The following PCDHGB3 variants were observed in gnomAD, a reference collection of about 807,000 sequenced individuals.
PCDHGB3 encodes protocadherin gamma subfamily B, 3, also known as protocadherin gamma-B3.
In PCDHGB3, 40 loss-of-function variants were observed where a neutral mutation model predicts 59.2. The observed-to-expected ratio is 0.68, with a 90% CI of 0.52 to 0.88. The LOEUF (loss-of-function observed/expected upper bound fraction) is 0.88, where lower values mean the gene tolerates loss of function less well. PCDHGB3 is among the 40% of genes least tolerant of loss of function. PCDHGB3 has a pLI of 0.00. For missense variants in PCDHGB3, 1,309 were observed against 1,187.9 expected, an observed-to-expected ratio of 1.10 and a Z score of -1.50; for synonymous variants, 581 against 503.6, an observed-to-expected ratio of 1.15 and a Z score of -2.06.
intron 1 of PCDHGB3, among the ~76,000 whole-genome samples, chr5:141,443,008 T>C (rs2098358096): frequency 1.3e-5 from 2 of 152,220 alleles, no homozygotes; most frequent in Admixed American, 1.3e-4. Context: ...TCTAAGAATA[T>C]GACTAATGGA....
Position 141,432,911 on chromosome 5 carries a change from C to G in PCDHGB3, c.2415+60102C>G. 5 of 1,614,176 alleles carry G rather than the reference C, an allele frequency of 3.1e-6. No homozygotes were observed. Among genetic ancestry groups the G allele is most frequent in the Non-Finnish European group, 4.2e-6 (5 of 1,180,014 alleles). Reference sequence around the variant, plus strand: ...CTTGCTGCTGGCGCTCAGGCTGCGGCGCTGGCACAAGTCACGCCTGCTGCA... The same window carrying G: ...CTTGCTGCTGGCGCTCAGGCTGCGGGGCTGGCACAAGTCACGCCTGCTGCA... On this transcript the variant is annotated intron_variant, in intron 1 of 3. Transcript: ENST00000576222. This position sits in a 1 kb window ranked among gnomAD's most constrained non-coding sequence, Gnocchi z 6.0.
Position 141,489,565 on chromosome 5 carries a change from G to C in PCDHGB3, c.2416-5242G>C. The C allele has an allele frequency of 6.2e-7, 1 of 1,614,118 alleles. No homozygotes were observed. ...CAGCTGCCTGCTGCCAGTGCAGGTGGTGACTGAACACCCCCTGGAGCTAAT... is the reference window on the plus strand; with the variant it reads ...CAGCTGCCTGCTGCCAGTGCAGGTGCTGACTGAACACCCCCTGGAGCTAAT... On this transcript the variant is annotated intron_variant, in intron 1 of 3. Coordinates refer to ENST00000576222, the MANE Select transcript of PCDHGB3 (RefSeq NM_018924.5). This position sits in a 1 kb window ranked among gnomAD's most constrained non-coding sequence, Gnocchi z 4.5.
chr5:141,387,492 G>C (rs779250536), intron 1 of PCDHGB3, among the ~76,000 whole-genome samples: 1 of 152,220 alleles, frequency 6.6e-6, no homozygotes, highest in Non-Finnish European at 1.5e-5. Flanking sequence ...GCATTCCTAA[G>C]AGTACATTTT....
At chr5:141,420,006 GAC>G (rs745722189) in intron 1 of PCDHGB3, 1 of 1,613,936 alleles carries the variant, frequency 6.2e-7, no homozygotes, top group African/African-American at 1.3e-5. Flanking sequence ...CTACGCCTGC[GAC>G]AGTCTTTCAG....
intron 1 of PCDHGB3, chr5:141,430,575 A>T (rs1056696427): frequency 2.2e-6 from 1 of 455,822 alleles, no homozygotes; most frequent in Non-Finnish European, 3.7e-6. Flanking sequence ...AAAAGCGGAG[A>T]TCCTGCTCGC....
intron 1 of PCDHGB3, among the ~76,000 whole-genome samples, chr5:141,453,393 A>G (rs2098764590): frequency 6.6e-6 from 1 of 152,018 alleles, no homozygotes; most frequent in Non-Finnish European, 1.5e-5. Flanking sequence ...CTTAGCCTCC[A>G]AGTGCTGGTA....
Position 141,489,897 on chromosome 5 carries a change from C to G in PCDHGB3, c.2416-4910C>G. ...TGCTTACTGCTGTGGATGGGGGGAC[C>G]CCAGCCCGCTCAGGGACCACCCTTA... is the stretch of plus-strand genomic sequence containing the variant. On this transcript the variant is annotated intron_variant, in intron 1 of 3. Transcript: ENST00000576222. This position sits in a 1 kb window ranked among gnomAD's most constrained non-coding sequence, Gnocchi z 4.5. 1 of 1,614,162 alleles carries G rather than the reference C, an allele frequency of 6.2e-7. No individual in the cohort carries two copies. Among genetic ancestry groups the G allele is most frequent in the Non-Finnish European group, 8.5e-7 (1 of 1,180,016 alleles).
chr5:141,393,853 T>A, intron 1 of PCDHGB3: 1 of 1,613,992 alleles, frequency 6.2e-7, no homozygotes, highest in Admixed American at 1.7e-5. Context: ...AGACCAGAAG[T>A]GATCATTACG....
chr5:141,420,857 C>T (rs1342820721), intron 1 of PCDHGB3, among the ~76,000 whole-genome samples: 1 of 152,220 alleles, frequency 6.6e-6, no homozygotes, highest in Non-Finnish European at 1.5e-5. Context: ...AAAGTTTTAA[C>T]GTCACATAAT....
At position 141,491,725 on chromosome 5, in the gene PCDHGB3, G is replaced by A. The variant is rs1008933711; in HGVS notation, c.2416-3082G>A. The A allele has an allele frequency of 6.2e-7, 1 of 1,606,496 alleles. No homozygotes were observed. The highest frequency in any genetic ancestry group is 1.3e-5 in the African/African-American group (1 of 74,728). On this transcript the variant is annotated intron_variant, in intron 1 of 3. Coordinates refer to ENST00000576222, the MANE Select transcript of PCDHGB3 (RefSeq NM_018924.5). The surrounding 1 kb of genome is among the most constrained non-coding windows in gnomAD (Gnocchi z 6.9). ...GGTGAGGGGCTCGGCGCCGCCCCGGGCGACCCCTGGGGGCGGCACTGGAGA... is the reference window on the plus strand; with the variant it reads ...GGTGAGGGGCTCGGCGCCGCCCCGGACGACCCCTGGGGGCGGCACTGGAGA...
chr5:141,511,202 C>T lies in PCDHGB3; in HGVS notation c.*29C>T, dbSNP rs201024828. 2.0e-3 allele frequency: 3,296 copies of T among 1,612,132 alleles called. 7 individuals carry two copies. Among genetic ancestry groups the T allele is most frequent in the Middle Eastern group, 0.013 (77 of 6,006 alleles). On this transcript the variant is annotated 3_prime_UTR_variant, in exon 4 of 4. Coordinates refer to ENST00000576222, the MANE Select transcript of PCDHGB3 (RefSeq NM_018924.5). ...GGAGGCCAGGCCAAGAGCCACAGGG[C>T]GGCCTCTCCCCAACCAGCCCAGCTT...
intron 1 of PCDHGB3, among the ~76,000 whole-genome samples, chr5:141,482,857 A>T (rs2099573663): frequency 6.6e-6 from 1 of 152,140 alleles, no homozygotes; most frequent in Admixed American, 6.5e-5. Flanking sequence ...AGATCACTTG[A>T]GGTCAGGAGT....
chr5:141,428,430 GA>G, intron 1 of PCDHGB3: 1 of 421,748 alleles, frequency 2.4e-6, no homozygotes. Flanking sequence ...TCTGTTCTAA[GA>G]CTAGACCAGG....
chr5:141,431,016 C>T lies in PCDHGB3; in HGVS notation c.2415+58207C>T, dbSNP rs755015257. Reference sequence around the variant, plus strand: ...AATCCGCGCAGCGGCAGCTTGGTCACGGCGGGCAGGATAGACCGGGAGGAG... The same window carrying T: ...AATCCGCGCAGCGGCAGCTTGGTCATGGCGGGCAGGATAGACCGGGAGGAG... On this transcript the variant is annotated intron_variant, in intron 1 of 3. Transcript: ENST00000576222. This position sits in a 1 kb window ranked among gnomAD's most constrained non-coding sequence, Gnocchi z 4.8. 3 of 1,613,456 alleles carry T rather than the reference C, an allele frequency of 1.9e-6. No individual in the cohort carries two copies. The highest frequency in any genetic ancestry group is 2.2e-5 in the South Asian group (2 of 91,058).
At chr5:141,510,124 A>G (rs2099879540) in intron 3 of PCDHGB3, among the ~76,000 whole-genome samples, 1 of 152,156 alleles carries the variant, frequency 6.6e-6, no homozygotes, top group Admixed American at 6.5e-5. Context: ...AAATACAAAA[A>G]TTAGCTGGGC....
chr5:141,430,715 A>G (rs1210053402), intron 1 of PCDHGB3: 3 of 1,483,264 alleles, frequency 2.0e-6, no homozygotes, highest in East Asian at 4.7e-5. Context: ...TCCTGACTTC[A>G]GTGGTTAAGG....
intron 1 of PCDHGB3, among the ~76,000 whole-genome samples, chr5:141,460,304 A>T (rs769422296): frequency 2.6e-5 from 4 of 152,144 alleles, no homozygotes; most frequent in Admixed American, 6.5e-5. Flanking sequence ...TCCTATTCAA[A>T]AACTCCTTGC....
chr5:141,374,130 T>C, intron 1 of PCDHGB3: 3 of 1,604,204 alleles, frequency 1.9e-6, no homozygotes, highest in Non-Finnish European at 1.7e-6. Flanking sequence ...CAGGTCCTGC[T>C]CCTCACGCTC....
Position 141,487,649 on chromosome 5 carries a change from G to T in PCDHGB3, c.2416-7158G>T. The T allele has an allele frequency of 1.2e-6, 2 of 1,614,020 alleles. No individual in the cohort carries two copies. The highest frequency in any genetic ancestry group is 1.7e-6 in the Non-Finnish European group (2 of 1,179,968). The stretch of plus-strand genomic sequence containing the variant: ...TTTGCAGGCTCAACAAATGCTTGAG[G>T]GTTATTCTGATCCAGGCATATGGCT... On this transcript the variant is annotated intron_variant, in intron 1 of 3. Coordinates refer to ENST00000576222, the MANE Select transcript of PCDHGB3 (RefSeq NM_018924.5). This position sits in a 1 kb window ranked among gnomAD's most constrained non-coding sequence, Gnocchi z 5.0.
Sources: gnomAD v4.1 joint callset for allele counts (sites outside exome capture counted in the v4.1 genomes callset) on GRCh38, gnomAD v4.1.1 for gene constraint, Gnocchi (gnomAD v3.1) non-coding constraint, MANE v1.5 for transcripts, NCBI Gene and HGNC (gene_info 2026-07-23, HGNC 2026-07-21) for gene names.